CORO2A: variants seen among roughly 807,000 people sequenced by gnomAD.
CORO2A encodes the protein coronin 2A, also known as coronin-2A.
In CORO2A, 47 loss-of-function variants were observed where a neutral mutation model predicts 62.4. The ratio of observed to expected loss-of-function variants is 0.75; its 90% confidence interval spans 0.60 to 0.96. CORO2A has a LOEUF of 0.96. Ranked by LOEUF, CORO2A falls within the 40% of genes least tolerant of loss-of-function variation. CORO2A has a pLI of 0.00. For synonymous variants in CORO2A, 273 were observed against 268.9 expected (o/e 1.02, Z -0.15); for missense variants, 610 against 684.1 (o/e 0.89, Z 1.21).
chr9:98,168,527 A>G (rs1564214755), intron 1 of CORO2A, among the ~76,000 whole-genome samples: 2 of 152,252 alleles, frequency 1.3e-5, no homozygotes, highest in Non-Finnish European at 2.9e-5. Context: ...ATAGCTAGTT[A>G]GTGGCTGGGC....
At chr9:98,127,578 G>A (rs1185268750) in intron 10 of CORO2A, among the ~76,000 whole-genome samples, 6 of 152,198 alleles carry the variant, frequency 3.9e-5, no homozygotes, top group Non-Finnish European at 5.9e-5. Context: ...TCGGGAGGCC[G>A]AGGCAGGTGG....
Position 98,138,538 on chromosome 9 carries a change from C to T in CORO2A, c.202-850G>A, listed in dbSNP as rs546544225. Among the ~76,000 whole-genome samples, 9 of 152,278 alleles carry T rather than the reference C, an allele frequency of 5.9e-5. No homozygotes were observed. The East Asian group carries it at 1.5e-3, about 26-fold the overall frequency. On this transcript the variant is annotated intron_variant, in intron 2 of 11. Coordinates refer to ENST00000375077, the MANE Select transcript of CORO2A (RefSeq NM_052820.4). ...ACATACAAAATGCAGTATATTCATG[C>T]AGCAGAATACTACTGTCCCTAAAAA...
At chr9:98,180,743 C>T (rs1465518273) in intron 1 of CORO2A, among the ~76,000 whole-genome samples, 1 of 151,998 alleles carries the variant, frequency 6.6e-6, no homozygotes, top group African/African-American at 2.4e-5. Context: ...TGTGACCAGC[C>T]CTTTGCCAGT....
chr9:98,147,927 T>A (rs1011945281), intron 2 of CORO2A, among the ~76,000 whole-genome samples: 3 of 152,044 alleles, frequency 2.0e-5, no homozygotes, highest in Non-Finnish European at 4.4e-5. Context: ...AGTGCATCCA[T>A]ACCATAGAAT....
Position 98,128,733 on chromosome 9 carries a change from G to T in CORO2A, c.968-14C>A. 6.2e-7 allele frequency: 1 copy of T among 1,610,910 alleles called. No individual in the cohort carries two copies. The highest frequency in any genetic ancestry group is 8.5e-7 in the Non-Finnish European group (1 of 1,177,080). Reference sequence around the variant, plus strand: ...TTGGCATGACACCTGAAGGCAGACAGGGAGGGCCAAGAGGTTCTGGCTAGG... The same window carrying T: ...TTGGCATGACACCTGAAGGCAGACATGGAGGGCCAAGAGGTTCTGGCTAGG... On this transcript the variant is annotated splice_polypyrimidine_tract_variant and intron_variant, in intron 8 of 11. Coordinates refer to ENST00000375077, the MANE Select transcript of CORO2A (RefSeq NM_052820.4).
intron 10 of CORO2A, 138 bp downstream of exon 10, chr9:98,128,032 G>A (rs969805491): frequency 4.5e-6 from 3 of 660,280 alleles, no homozygotes; most frequent in African/African-American, 3.6e-5. Flanking sequence ...TACCCACTGG[G>A]GACTGAAGGT....
rs912343046 is a variant in CORO2A, at chr9:98,132,247, T to C, written c.703A>G (p.Lys235Glu). ...ASKVLFLGNL[K>E]KLMSTGTSRW... Reference sequence around the variant, plus strand: ...GATGTGCCTGTGGACATCAGCTTCTTCAGGTTCCCCAGAAACAGCACTTTG... The same window carrying C: ...GATGTGCCTGTGGACATCAGCTTCTCCAGGTTCCCCAGAAACAGCACTTTG... The change falls in exon 6 of 12, where the codon AAG becomes GAG. Residue 235 changes from lysine (K) to glutamate (E), a missense_variant. Coordinates refer to ENST00000375077, the MANE Select transcript of CORO2A (RefSeq NM_052820.4). 8.7e-6 allele frequency: 14 copies of C among 1,614,200 alleles called. No individual in the cohort carries two copies. The highest frequency in any genetic ancestry group is 1.2e-5 in the Non-Finnish European group (14 of 1,180,032).
chr9:98,190,630 C>T (rs557066868), intron 1 of CORO2A, among the ~76,000 whole-genome samples: 2 of 152,288 alleles, frequency 1.3e-5, no homozygotes, highest in East Asian at 1.9e-4. Context: ...TCAGACATTC[C>T]ATGATTCCAT....
At chr9:98,176,043 G>T (rs1828105118) in intron 1 of CORO2A, among the ~76,000 whole-genome samples, 1 of 152,186 alleles carries the variant, frequency 6.6e-6, no homozygotes, top group Admixed American at 6.5e-5. Flanking sequence ...TTTGAGCAGG[G>T]CTTACAGATT....
chr9:98,163,711 G>A (rs947425155), intron 1 of CORO2A, among the ~76,000 whole-genome samples: 1 of 138,796 alleles, frequency 7.2e-6, no homozygotes, highest in Non-Finnish European at 1.5e-5. Context: ...ATACATGCGG[G>A]GTGTGTGTGT....
intron 2 of CORO2A, among the ~76,000 whole-genome samples, chr9:98,146,941 C>CT (rs2118847198): frequency 6.6e-6 from 1 of 152,242 alleles, no homozygotes; most frequent in South Asian, 2.1e-4. Flanking sequence ...GGCATGGTGC[C>CT]TGCACAGTAG....
At chr9:98,151,700 T>C (rs147210305) in intron 2 of CORO2A, among the ~76,000 whole-genome samples, 1,675 of 152,288 alleles carry the variant, frequency 0.011, 30 homozygotes, top group African/African-American at 0.037. Context: ...TTTTGCTCTG[T>C]CACCCAGGCT....
At chr9:98,177,700 C>A (rs2118924851) in intron 1 of CORO2A, among the ~76,000 whole-genome samples, 1 of 150,932 alleles carries the variant, frequency 6.6e-6, no homozygotes, top group South Asian at 2.1e-4. Context: ...AACTCCTGAC[C>A]TCAGGTGATC....
chr9:98,155,227 G>C (rs143214324), intron 2 of CORO2A, among the ~76,000 whole-genome samples: 1,791 of 151,768 alleles, frequency 0.012, 22 homozygotes, highest in African/African-American at 0.024. Context: ...TGGATTTTTC[G>C]GTACATTTTA....
intron 1 of CORO2A, among the ~76,000 whole-genome samples, chr9:98,177,017 A>G (rs1057474703): frequency 1.3e-5 from 2 of 152,190 alleles, no homozygotes; most frequent in African/African-American, 4.8e-5. Context: ...TTGTGGAGGG[A>G]CAAATTCCAA....
At chr9:98,150,360 C>G (rs1827706460) in intron 2 of CORO2A, among the ~76,000 whole-genome samples, 1 of 152,196 alleles carries the variant, frequency 6.6e-6, no homozygotes. Context: ...CCTCCCACCA[C>G]TCTGTGGTCA....
At chr9:98,175,078 TC>T (rs1168645512) in intron 1 of CORO2A, among the ~76,000 whole-genome samples, 1 of 152,102 alleles carries the variant, frequency 6.6e-6, no homozygotes, top group Non-Finnish European at 1.5e-5. Flanking sequence ...TCCACAGAGC[TC>T]CTATTCTTTT....
At chr9:98,162,188 C>T (rs1395014611) in intron 1 of CORO2A, among the ~76,000 whole-genome samples, 2 of 152,222 alleles carry the variant, frequency 1.3e-5, no homozygotes, top group African/African-American at 4.8e-5. Flanking sequence ...TCAGCTGTCT[C>T]AAGCCTGCAG....
At chr9:98,166,302 T>A (rs1033297856) in intron 1 of CORO2A, among the ~76,000 whole-genome samples, 9 of 152,194 alleles carry the variant, frequency 5.9e-5, no homozygotes, top group Non-Finnish European at 1.3e-4. Context: ...AACATTGGGC[T>A]TGGCAATGAT....
Sources: gnomAD v4.1 joint callset for allele counts (sites outside exome capture counted in the v4.1 genomes callset) on GRCh38, gnomAD v4.1.1 for gene constraint, MANE v1.5 for transcripts, NCBI Gene and HGNC (gene_info 2026-07-23, HGNC 2026-07-21) for gene names.